Variants in WDR49 observed in about 807,000 individuals in gnomAD.
WDR49 encodes WD repeat domain 49, also known as cilia- and flagella-associated protein 337.
WDR49 carries 107 observed loss-of-function variants against 119.5 expected under a neutral mutation model. The ratio of observed to expected loss-of-function variants is 0.90; its 90% CI spans 0.77 to 1.05. The LOEUF is 1.05. Among genes scored for constraint, WDR49 ranks in the 50% least tolerant of loss-of-function variants. The pLI is 0.00. For synonymous variants in WDR49, 425 were observed against 418.8 expected (o/e 1.01, Z -0.18); for missense variants, 1,240 against 1,220.5 (o/e 1.02, Z -0.24).
chr3:167,496,189 G>A (rs1751347851), intron 18 of WDR49, among the ~76,000 whole-genome samples: 1 of 151,772 alleles, frequency 6.6e-6, no homozygotes, highest in Non-Finnish European at 1.5e-5. Context: ...ACATTGAAGA[G>A]GTAATATAGG....
At chr3:167,564,175 C>A (rs1577242942) in intron 8 of WDR49, among the ~76,000 whole-genome samples, 1 of 152,298 alleles carries the variant, frequency 6.6e-6, no homozygotes. Context: ...TTAACAATTT[C>A]TCGTGAAATC....
chr3:167,564,408 C>T (rs1713465319), intron 8 of WDR49, among the ~76,000 whole-genome samples: 1 of 152,182 alleles, frequency 6.6e-6, no homozygotes, highest in South Asian at 2.1e-4. Flanking sequence ...GTGCATTTAA[C>T]ATTACTTGGC....
intron 10 of WDR49, among the ~76,000 whole-genome samples, chr3:167,541,718 T>C (rs1322592309): frequency 6.6e-6 from 1 of 152,068 alleles, no homozygotes; most frequent in African/African-American, 2.4e-5. Flanking sequence ...TAACATTGAA[T>C]GTAAAAGGCC....
At chr3:167,521,178 G>A (rs1168118042) in intron 16 of WDR49, among the ~76,000 whole-genome samples, 1 of 151,984 alleles carries the variant, frequency 6.6e-6, no homozygotes, top group African/African-American at 2.4e-5. Context: ...TGTGCAAGAG[G>A]GGAGGCTTGG....
At chr3:167,555,289 C>T (rs554142515) in intron 9 of WDR49, among the ~76,000 whole-genome samples, 4 of 152,104 alleles carry the variant, frequency 2.6e-5, no homozygotes, top group Admixed American at 6.6e-5. Context: ...GCTGAACATA[C>T]GTGGAGGTTG....
intron 7 of WDR49, among the ~76,000 whole-genome samples, chr3:167,600,765 T>C (rs1225352864): frequency 6.6e-6 from 1 of 152,166 alleles, no homozygotes; most frequent in Non-Finnish European, 1.5e-5. Flanking sequence ...AATAGGCATC[T>C]GCCAATTAAT....
chr3:167,630,123 C>T (rs1040667729), intron 2 of WDR49, among the ~76,000 whole-genome samples: 1 of 152,020 alleles, frequency 6.6e-6, no homozygotes, highest in African/African-American at 2.4e-5. Context: ...AGAAATCTTT[C>T]ATGAAAGGAA....
intron 8 of WDR49, among the ~76,000 whole-genome samples, chr3:167,575,455 T>A (rs1441422818): frequency 6.6e-6 from 1 of 152,228 alleles, no homozygotes; most frequent in African/African-American, 2.4e-5. Flanking sequence ...ATCATTTTAT[T>A]ATGAATACAT....
upstream of WDR49, among the ~76,000 whole-genome samples, chr3:167,657,542 C>G (rs376473027): frequency 6.6e-6 from 1 of 151,260 alleles, no homozygotes; most frequent in Non-Finnish European, 1.5e-5. Context: ...CCTCCCCCCC[C>G]ACAATTTATC....
In WDR49 at chr3:167,551,533, A is replaced by T. The variant is rs150793731; in HGVS notation, c.1823+3117T>A. Among the ~76,000 whole-genome samples the T allele has an allele frequency of 6.6e-5, 10 of 152,114 alleles. No individual in the cohort carries two copies. The East Asian group carries it at 1.9e-3, about 29-fold the overall frequency. ...ACTCCATTTGCAATTAGTCCTACCCAGGAGTGGTAGAAAGAGTATTGACTT... is the reference window on the plus strand; with the variant it reads ...ACTCCATTTGCAATTAGTCCTACCCTGGAGTGGTAGAAAGAGTATTGACTT... On this transcript the variant is annotated intron_variant, in intron 10 of 18. Transcript: ENST00000682715.
chr3:167,512,711 G>A (rs574479565), intron 16 of WDR49, among the ~76,000 whole-genome samples: 3 of 152,306 alleles, frequency 2.0e-5, no homozygotes, highest in East Asian at 1.9e-4. Context: ...TAAGAACCAC[G>A]ATAAAACATT....
At chr3:167,514,472 T>G (rs569422498) in intron 16 of WDR49, among the ~76,000 whole-genome samples, 2 of 151,866 alleles carry the variant, frequency 1.3e-5, no homozygotes, top group South Asian at 4.2e-4. Flanking sequence ...ACAGAAAAAT[T>G]TACAGCACTA....
At chr3:167,616,693 T>C (rs1277879854) in intron 5 of WDR49, among the ~76,000 whole-genome samples, 1 of 151,834 alleles carries the variant, frequency 6.6e-6, no homozygotes, top group African/African-American at 2.4e-5. Flanking sequence ...ATTTCCAAGT[T>C]TAATGAAAAC....
intron 5 of WDR49, among the ~76,000 whole-genome samples, chr3:167,615,421 C>T (rs554382008): frequency 6.7e-6 from 1 of 148,458 alleles, no homozygotes; most frequent in East Asian, 2.0e-4. Flanking sequence ...CAGGCGTGGA[C>T]CACCACTCCC....
chr3:167,554,255 T>G (rs371214826), intron 10 of WDR49, among the ~76,000 whole-genome samples: 1 of 152,170 alleles, frequency 6.6e-6, no homozygotes, highest in Non-Finnish European at 1.5e-5. Context: ...CAGGACTCAG[T>G]TGGCTATTTC....
chr3:167,651,638 T>G (rs75810938), intron 2 of WDR49, among the ~76,000 whole-genome samples: 2,040 of 152,290 alleles, frequency 0.013, 43 homozygotes, highest in East Asian at 0.099. Flanking sequence ...AATTTCTTTT[T>G]TAGAAAAACT....
chr3:167,558,545 T>C (rs867197232), intron 9 of WDR49, among the ~76,000 whole-genome samples: 2 of 152,236 alleles, frequency 1.3e-5, no homozygotes, highest in Non-Finnish European at 2.9e-5. Flanking sequence ...ATTATACTAC[T>C]AAATTCACAT....
chr3:167,616,187 G>T (rs1370189200), intron 5 of WDR49, among the ~76,000 whole-genome samples: 1 of 152,160 alleles, frequency 6.6e-6, no homozygotes, highest in Non-Finnish European at 1.5e-5. Flanking sequence ...CTGGTAAAGG[G>T]TTGTTAAGGT....
At chr3:167,606,857 C>A (rs1716085892) in intron 5 of WDR49, among the ~76,000 whole-genome samples, 1 of 152,114 alleles carries the variant, frequency 6.6e-6, no homozygotes, top group Admixed American at 6.6e-5. Context: ...GACAGGTTAA[C>A]AAGAGAAAAG....
Sources: allele counts gnomAD v4.1 joint callset (sites outside exome capture counted in the v4.1 genomes callset), GRCh38; gene constraint gnomAD v4.1.1; transcripts MANE v1.5; gene names NCBI Gene and HGNC (gene_info 2026-07-23, HGNC 2026-07-21).